HYAL4: variants seen among roughly 807,000 people sequenced by gnomAD.
HYAL4 encodes the protein hyaluronidase-4.
Under a neutral mutation model 35.2 loss-of-function variants are expected in HYAL4, and 37 were observed. The observed-to-expected ratio is 1.05, with a 90% CI of 0.81 to 1.38. The LOEUF is 1.38. Among genes scored for constraint, HYAL4 ranks in the 40% most tolerant of loss-of-function variants. HYAL4 has a pLI of 0.00. For missense variants in HYAL4, 572 were observed against 572.4 expected (o/e 1.00, Z 0.01); for synonymous variants, 198 against 203.2 (o/e 0.97, Z 0.22).
At chr7:123,821,661 G>T in the HYAL4 span, among the ~76,000 whole-genome samples, 1 of 152,104 alleles carries the variant, frequency 6.6e-6, no homozygotes, top group East Asian at 1.9e-4. Flanking sequence ...CATCCCATTT[G>T]TCCATGTTTC....
the HYAL4 span, among the ~76,000 whole-genome samples, chr7:123,808,014 A>G: frequency 3.3e-5 from 5 of 150,822 alleles, no homozygotes; most frequent in Non-Finnish European, 7.4e-5. Context: ...GGCTCAAACA[A>G]TACTCCCACC....
chr7:123,874,861 A>G lies in HYAL4; in HGVS notation c.1044+11A>G. The G allele has an allele frequency of 7.1e-7, 1 of 1,417,100 alleles. No homozygotes were observed. The allele number at this position is 1,417,100 out of a possible 1,614,324, so 87.8% of individuals were successfully genotyped here. ...TTAACTGCATCCAAGGTAAGTCAGTATCTTGAAGGTATATTTAATGTTTTC... is the reference window on the plus strand; with the variant it reads ...TTAACTGCATCCAAGGTAAGTCAGTGTCTTGAAGGTATATTTAATGTTTTC... On this transcript the variant is annotated intron_variant, in intron 4 of 4. Coordinates refer to ENST00000223026, the MANE Select transcript of HYAL4 (RefSeq NM_012269.3).
chr7:123,822,143 C>T, the HYAL4 span, among the ~76,000 whole-genome samples: 47 of 152,114 alleles, frequency 3.1e-4, no homozygotes, highest in African/African-American at 1.1e-3. Flanking sequence ...TTTGTGGTTC[C>T]ATATAAAGTT....
the HYAL4 span, among the ~76,000 whole-genome samples, chr7:123,768,092 T>A: frequency 2.0e-5 from 3 of 152,352 alleles, no homozygotes; most frequent in African/African-American, 7.2e-5. Context: ...TGAATAAATT[T>A]AATTTTTAAA....
chr7:123,786,885 A>G, the HYAL4 span, among the ~76,000 whole-genome samples: 4 of 152,074 alleles, frequency 2.6e-5, no homozygotes, highest in Non-Finnish European at 5.9e-5. Context: ...AGGCGGGCAG[A>G]TAACCTGAGA....
intron 1 of HYAL4, among the ~76,000 whole-genome samples, chr7:123,836,910 C>G (rs1340209126): frequency 1.3e-5 from 2 of 152,030 alleles, no homozygotes; most frequent in African/African-American, 4.8e-5. Context: ...TGCCTGTAAT[C>G]CCAGTTACTC....
At position 123,868,211 on chromosome 7, in the gene HYAL4, A is replaced by G. The variant is rs1422483591; in HGVS notation, c.-51-12A>G. 7 of 773,904 alleles carry G rather than the reference A, an allele frequency of 9.0e-6. No individual in the cohort carries two copies. In the Admixed American group the frequency reaches 1.1e-4, roughly 12 times the overall value. The allele number at this position is 773,904 out of a possible 1,614,324, so 47.9% of individuals were successfully genotyped here. A position where few individuals can be genotyped will look rare whatever the true frequency, so the allele number is the denominator to read the frequency against. ...AAAACTATGACTAACAGAAAATTAA[A>G]TCTCTCCACAGGTCTTCTAGAGTGC... On this transcript the variant is annotated splice_polypyrimidine_tract_variant and intron_variant, in intron 2 of 4. Coordinates refer to ENST00000223026, the MANE Select transcript of HYAL4 (RefSeq NM_012269.3).
the HYAL4 span, among the ~76,000 whole-genome samples, chr7:123,802,371 C>T: frequency 6.6e-6 from 1 of 152,046 alleles, no homozygotes. Context: ...CTCATTTTTC[C>T]ATATCAAGGA....
chr7:123,778,207 T>C, the HYAL4 span, among the ~76,000 whole-genome samples: 2 of 147,926 alleles, frequency 1.4e-5, no homozygotes, highest in Admixed American at 6.8e-5. Context: ...CACCTATTCG[T>C]ATTATTTCAG....
chr7:123,873,084 G>A (rs1806923565), intron 3 of HYAL4, among the ~76,000 whole-genome samples: 1 of 152,124 alleles, frequency 6.6e-6, no homozygotes, highest in Non-Finnish European at 1.5e-5. Flanking sequence ...AAAGTGAGCG[G>A]AGTGAGGAGT....
intron 1 of HYAL4, among the ~76,000 whole-genome samples, chr7:123,832,634 G>A (rs1294249599): frequency 6.6e-6 from 1 of 150,884 alleles, no homozygotes; most frequent in African/African-American, 2.4e-5. Context: ...CGAATAACTG[G>A]GACTACAGGT....
chr7:123,798,836 G>A, the HYAL4 span, among the ~76,000 whole-genome samples: 36 of 152,296 alleles, frequency 2.4e-4, no homozygotes, highest in African/African-American at 7.7e-4. Context: ...CAAGATGGTG[G>A]CAGCTGAGTG....
At chr7:123,876,628 C>T (rs1807031748) in intron 4 of HYAL4, 126 bp from the exon 5 acceptor site, 1 of 1,020,156 alleles carries the variant, frequency 9.8e-7, no homozygotes, top group Admixed American at 2.4e-5. Context: ...ATGTTTTAAT[C>T]AAGACCAAAG....
the HYAL4 span, among the ~76,000 whole-genome samples, chr7:123,817,592 C>T: frequency 6.9e-6 from 1 of 145,886 alleles, no homozygotes; most frequent in Admixed American, 7.1e-5. Flanking sequence ...CTCACTGCAA[C>T]CTCCGTCTCC....
At position 123,845,317 on chromosome 7, in the gene HYAL4, T is replaced by G. The variant is rs545890598; in HGVS notation, c.-490T>G. The G allele has an allele frequency of 2.0e-5, 3 of 148,140 alleles. No individual in the cohort carries two copies. Among genetic ancestry groups the G allele is most frequent in the South Asian group, 4.5e-4 (2 of 4,430 alleles). The allele number at this position is 148,140 out of a possible 1,614,324, so 9.2% of individuals were successfully genotyped here. Reference sequence around the variant, plus strand: ...ACTGCCTCCTGGGTTCAAGTGATTCTCCTGACTTAACCTCCTGAGTAGCTG... The same window carrying G: ...ACTGCCTCCTGGGTTCAAGTGATTCGCCTGACTTAACCTCCTGAGTAGCTG... On this transcript the variant is annotated 5_prime_UTR_variant, in exon 1 of 5. Coordinates refer to ENST00000223026, the MANE Select transcript of HYAL4 (RefSeq NM_012269.3).
the HYAL4 span, among the ~76,000 whole-genome samples, chr7:123,776,691 T>C: frequency 6.6e-6 from 1 of 152,218 alleles, no homozygotes; most frequent in African/African-American, 2.4e-5. Flanking sequence ...AGTGCTGTGA[T>C]TGTAGGTGTG....
chr7:123,872,920 A>G (rs772149247), intron 3 of HYAL4, among the ~76,000 whole-genome samples: 12 of 152,216 alleles, frequency 7.9e-5, no homozygotes, highest in Non-Finnish European at 1.6e-4. Flanking sequence ...ACGCTTACAT[A>G]CTTACTATAG....
intron 2 of HYAL4, among the ~76,000 whole-genome samples, chr7:123,858,007 G>A (rs1806493984): frequency 6.6e-6 from 1 of 151,884 alleles, no homozygotes; most frequent in African/African-American, 2.4e-5. Flanking sequence ...GACCAGCCTG[G>A]GCAACATGGT....
chr7:123,770,074 T>C, the HYAL4 span, among the ~76,000 whole-genome samples: 1 of 152,016 alleles, frequency 6.6e-6, no homozygotes, highest in South Asian at 2.1e-4. Flanking sequence ...TAAATAAATA[T>C]TCCTTTATAA....
Sources: allele counts gnomAD v4.1 joint callset (sites outside exome capture counted in the v4.1 genomes callset), GRCh38; gene constraint gnomAD v4.1.1; transcripts MANE v1.5; gene names NCBI Gene and HGNC (gene_info 2026-07-23, HGNC 2026-07-21).